PTPRD: variants seen among roughly 807,000 people sequenced by gnomAD.
The protein encoded by PTPRD is protein tyrosine phosphatase receptor type D.
Under a neutral mutation model 214.5 loss-of-function variants are expected in PTPRD, and 34 were observed. The observed-to-expected ratio is 0.16, with a 90% confidence interval of 0.12 to 0.21. The LOEUF (loss-of-function observed/expected upper bound fraction) is 0.21. Among genes scored for constraint, PTPRD ranks in the 10% least tolerant of loss-of-function variants. The pLI, the probability that PTPRD is intolerant of heterozygous loss-of-function variation, is 1.00. For synonymous variants in PTPRD, 1,128 were observed against 845.7 expected, an observed-to-expected ratio of 1.33 and a Z score of -5.79; for missense variants, 2,545 against 2,398.7, an observed-to-expected ratio of 1.06 and a Z score of -1.27.
Position 10,208,563 on chromosome 9 carries a change from A to G in PTPRD, c.-545+132400T>C, listed in dbSNP as rs964375335. 2.6e-5 allele frequency among the ~76,000 whole-genome samples: 4 copies of G among 152,238 alleles called. No homozygotes were observed. In the South Asian group the frequency reaches 6.2e-4, roughly 24 times the overall value. Reference sequence around the variant, plus strand: ...TTGAACAGGAACAGAAACTCTGAACACATAAAATGCAACTAAATTCACTGC... The same window carrying G: ...TTGAACAGGAACAGAAACTCTGAACGCATAAAATGCAACTAAATTCACTGC... On this transcript the variant is annotated intron_variant, in intron 3 of 45. Coordinates refer to ENST00000381196, the MANE Select transcript of PTPRD (RefSeq NM_002839.4).
intron 3 of PTPRD, among the ~76,000 whole-genome samples, chr9:10,043,074 A>C (rs2097326277): frequency 6.6e-6 from 1 of 151,942 alleles, no homozygotes; most frequent in African/African-American, 2.4e-5. Context: ...TCTCATCTAC[A>C]CAAACAGAGG....
chr9:9,179,460 G>A (rs896910594), intron 10 of PTPRD, among the ~76,000 whole-genome samples: 1 of 152,024 alleles, frequency 6.6e-6, no homozygotes, highest in Non-Finnish European at 1.5e-5. Flanking sequence ...TAACCAAATT[G>A]ACTAAACTTG....
chr9:9,240,823 T>C (rs543329933), intron 9 of PTPRD, among the ~76,000 whole-genome samples: 2 of 152,314 alleles, frequency 1.3e-5, no homozygotes, highest in African/African-American at 4.8e-5. Context: ...CCAAATTTTA[T>C]CAATTTCGCT....
chr9:10,319,682 T>C (rs2096517767), intron 3 of PTPRD, among the ~76,000 whole-genome samples: 1 of 152,036 alleles, frequency 6.6e-6, no homozygotes, highest in South Asian at 2.1e-4. Flanking sequence ...GTTAGAAGTA[T>C]AACTACTCAT....
intron 10 of PTPRD, among the ~76,000 whole-genome samples, chr9:9,101,643 C>T (rs562076296): frequency 1.3e-5 from 2 of 152,206 alleles, no homozygotes; most frequent in Admixed American, 6.5e-5. Flanking sequence ...CGTTAAAAAC[C>T]ATGTCATTAT....
intron 39 of PTPRD, among the ~76,000 whole-genome samples, chr9:8,356,215 T>C (rs969687532): frequency 6.6e-6 from 1 of 152,140 alleles, no homozygotes; most frequent in Admixed American, 6.6e-5. Flanking sequence ...TTGAGTTTTC[T>C]TTGCAAGAAA....
intron 12 of PTPRD, among the ~76,000 whole-genome samples, chr9:8,643,691 T>C (rs1253814770): frequency 6.6e-6 from 1 of 152,094 alleles, no homozygotes; most frequent in African/African-American, 2.4e-5. Context: ...CCTGACTGAG[T>C]GTGCACATGT....
chr9:9,515,443 T>C (rs1311106182), intron 8 of PTPRD, among the ~76,000 whole-genome samples: 1 of 152,132 alleles, frequency 6.6e-6, no homozygotes, highest in African/African-American at 2.4e-5. Flanking sequence ...GATTCATTTC[T>C]ATCCATCAAC....
intron 3 of PTPRD, among the ~76,000 whole-genome samples, chr9:10,124,770 A>G (rs1262421135): frequency 1.3e-5 from 2 of 152,134 alleles, no homozygotes; most frequent in African/African-American, 4.8e-5. Flanking sequence ...CTCTTAATGT[A>G]TTTTTCCAAT....
At chr9:10,043,522 A>T (rs291271) in intron 3 of PTPRD, among the ~76,000 whole-genome samples, 58,781 of 151,522 alleles carry the variant, frequency 0.39, 11,806 homozygotes, top group African/African-American at 0.5. Flanking sequence ...ATTCAGAGGT[A>T]AATTTGGAGT....
At chr9:10,396,944 C>G (rs1406595245) in intron 2 of PTPRD, among the ~76,000 whole-genome samples, 1 of 151,956 alleles carries the variant, frequency 6.6e-6, no homozygotes, top group Non-Finnish European at 1.5e-5. Flanking sequence ...TTAATACATA[C>G]AGTCAAACAA....
intron 8 of PTPRD, among the ~76,000 whole-genome samples, chr9:9,551,247 A>G (rs1371834739): frequency 6.6e-6 from 1 of 152,008 alleles, no homozygotes; most frequent in Non-Finnish European, 1.5e-5. Flanking sequence ...GAGAAGGATC[A>G]GTAAATGCTT....
chr9:8,848,259 T>C (rs1339778098), intron 11 of PTPRD, among the ~76,000 whole-genome samples: 2 of 150,602 alleles, frequency 1.3e-5, no homozygotes, highest in Non-Finnish European at 3.0e-5. Flanking sequence ...GAACAGAAGA[T>C]ACTCTTCAGA....
intron 5 of PTPRD, among the ~76,000 whole-genome samples, chr9:9,807,218 A>G (rs926812014): frequency 3.3e-5 from 5 of 152,172 alleles, no homozygotes; most frequent in Non-Finnish European, 7.4e-5. Context: ...AGGAGTTACT[A>G]AAGATTTTGA....
intron 5 of PTPRD, among the ~76,000 whole-genome samples, chr9:9,818,639 C>A (rs904241566): frequency 6.6e-6 from 1 of 151,934 alleles, no homozygotes; most frequent in Non-Finnish European, 1.5e-5. Flanking sequence ...GAAAATGGGT[C>A]GGGCGTGGTG....
chr9:8,814,165 T>A (rs2096873561), intron 11 of PTPRD, among the ~76,000 whole-genome samples: 1 of 152,202 alleles, frequency 6.6e-6, no homozygotes, highest in South Asian at 2.1e-4. Flanking sequence ...GCAAGTATTT[T>A]TTTTTTAAGC....
intron 44 of PTPRD, among the ~76,000 whole-genome samples, chr9:8,327,637 G>A (rs1835291222): frequency 6.6e-6 from 1 of 151,990 alleles, no homozygotes; most frequent in African/African-American, 2.4e-5. Context: ...ACAGTGGGGT[G>A]TTAAAGTCTC....
chr9:9,015,475 G>A (rs562095926), intron 11 of PTPRD, among the ~76,000 whole-genome samples: 3 of 152,246 alleles, frequency 2.0e-5, no homozygotes, highest in Non-Finnish European at 4.4e-5. Context: ...AAAAGGGGAG[G>A]CATGAATAAT....
intron 8 of PTPRD, among the ~76,000 whole-genome samples, chr9:9,505,588 G>C (rs2096552246): frequency 6.6e-6 from 1 of 151,334 alleles, no homozygotes; most frequent in African/African-American, 2.4e-5. Context: ...AAGAAGCAAA[G>C]GATATATTCC....
Sources: gnomAD v4.1 joint callset for allele counts (sites outside exome capture counted in the v4.1 genomes callset) on GRCh38, gnomAD v4.1.1 for gene constraint, MANE v1.5 for transcripts, NCBI Gene and HGNC (gene_info 2026-07-23, HGNC 2026-07-21) for gene names.